The following SLC38A1 variants were observed in gnomAD, a reference collection of about 807,000 sequenced individuals.
SLC38A1 encodes the protein solute carrier family 38 member 1, also known as sodium-coupled neutral amino acid symporter 1.
Under a neutral mutation model 60.3 loss-of-function variants are expected in SLC38A1, and 18 were observed. That is an observed-to-expected ratio of 0.30 (90% CI 0.21 to 0.44). The LOEUF (loss-of-function observed/expected upper bound fraction) is 0.44. Among genes scored for constraint, SLC38A1 ranks in the 20% least tolerant of loss-of-function variants. SLC38A1 has a pLI of 1.00. For missense variants in SLC38A1, 448 were observed against 587.2 expected (o/e 0.76, Z 2.45); for synonymous variants, 196 against 212.1 (o/e 0.92, Z 0.66).
chr12:46,255,583 A>T (rs1009952486), intron 1 of SLC38A1, among the ~76,000 whole-genome samples: 3 of 152,200 alleles, frequency 2.0e-5, no homozygotes, highest in African/African-American at 7.2e-5. Context: ...ATAATCTTTC[A>T]CCAAAAACAC....
intron 5 of SLC38A1, among the ~76,000 whole-genome samples, chr12:46,217,997 G>C (rs1324594702): frequency 6.6e-6 from 1 of 152,174 alleles, no homozygotes; most frequent in East Asian, 1.9e-4. Flanking sequence ...AATTCAAATA[G>C]TATCTAATAT....
At chr12:46,249,822 G>A (rs1015077852) in intron 1 of SLC38A1, among the ~76,000 whole-genome samples, 6 of 152,104 alleles carry the variant, frequency 3.9e-5, no homozygotes, top group African/African-American at 1.4e-4. Context: ...CCAATAACAG[G>A]CTGTGAAATT....
At chr12:46,251,793 T>C (rs1228232140) in intron 1 of SLC38A1, among the ~76,000 whole-genome samples, 1 of 151,928 alleles carries the variant, frequency 6.6e-6, no homozygotes, top group Non-Finnish European at 1.5e-5. Context: ...TGAGATACCA[T>C]CTCACTCCAG....
Position 46,268,063 on chromosome 12 carries a change from C to G in SLC38A1, c.-209+463G>C, listed in dbSNP as rs964647780. ...CACGCAGCACCCCCCGGACATCACACGATCTCCTCTGGGCCTTGCGGACAC... is the reference window on the plus strand; with the variant it reads ...CACGCAGCACCCCCCGGACATCACAGGATCTCCTCTGGGCCTTGCGGACAC... On this transcript the variant is annotated intron_variant, in intron 1 of 16. Coordinates refer to ENST00000398637, the MANE Select transcript of SLC38A1 (RefSeq NM_030674.4). The surrounding 1 kb of genome is among the most constrained non-coding windows in gnomAD (Gnocchi z 4.4). Among the ~76,000 whole-genome samples the G allele has an allele frequency of 1.3e-5, 2 of 152,202 alleles. No homozygotes were observed. Among genetic ancestry groups the G allele is most frequent in the African/African-American group, 4.8e-5 (2 of 41,440 alleles).
chr12:46,203,216 G>T, intron 11 of SLC38A1, 127 bp from the exon 12 acceptor site: 1 of 780,154 alleles, frequency 1.3e-6, no homozygotes, highest in Non-Finnish European at 2.1e-6. Context: ...TCGGTTATTA[G>T]GGAGGTTTTG....
intron 5 of SLC38A1, among the ~76,000 whole-genome samples, chr12:46,215,313 C>T (rs57492785): frequency 0.012 from 1,884 of 152,336 alleles, 36 homozygotes; most frequent in African/African-American, 0.043. Context: ...TGACGAAAAG[C>T]ACTTACAACT....
chr12:46,219,601 A>G (rs529041844), intron 5 of SLC38A1, among the ~76,000 whole-genome samples: 1 of 152,280 alleles, frequency 6.6e-6, no homozygotes, highest in Admixed American at 6.5e-5. Context: ...CCCACAAAGG[A>G]GTAGTTTTCT....
chr12:46,199,998 G>A (rs1224149715), intron 13 of SLC38A1, among the ~76,000 whole-genome samples: 2 of 152,068 alleles, frequency 1.3e-5, no homozygotes, highest in Non-Finnish European at 2.9e-5. Flanking sequence ...TAATCCAAGA[G>A]TAATAAAAGT....
At chr12:46,248,485 C>T (rs976254082) in intron 1 of SLC38A1, among the ~76,000 whole-genome samples, 1 of 152,130 alleles carries the variant, frequency 6.6e-6, no homozygotes, top group Non-Finnish European at 1.5e-5. Context: ...AGCTAACTAT[C>T]CTAAATATAT....
intron 5 of SLC38A1, among the ~76,000 whole-genome samples, chr12:46,225,559 G>T (rs888482642): frequency 6.6e-6 from 1 of 152,134 alleles, no homozygotes; most frequent in Non-Finnish European, 1.5e-5. Flanking sequence ...CAGAACAGGG[G>T]ATTGGGAGCT....
At chr12:46,201,332 G>A (rs1939649952) in intron 12 of SLC38A1, 134 bp from the exon 13 acceptor site, 1 of 692,496 alleles carries the variant, frequency 1.4e-6, no homozygotes, top group South Asian at 1.9e-5. Context: ...ATTACCCCTG[G>A]CAGTTATGCC....
intron 1 of SLC38A1, among the ~76,000 whole-genome samples, chr12:46,266,004 A>C (rs1942338928): frequency 6.6e-6 from 1 of 152,190 alleles, no homozygotes; most frequent in Non-Finnish European, 1.5e-5. Flanking sequence ...CACTGCTCAA[A>C]GTGGGAAGGG....
intron 15 of SLC38A1, 36 bp from the exon 16 acceptor site, chr12:46,197,853 C>A: frequency 1.2e-6 from 2 of 1,602,548 alleles, no homozygotes; most frequent in Non-Finnish European, 1.7e-6. Flanking sequence ...TTTAGCATTG[C>A]TATTGTGAAA....
chr12:46,215,047 T>C (rs1940344532), intron 5 of SLC38A1, among the ~76,000 whole-genome samples: 1 of 152,180 alleles, frequency 6.6e-6, no homozygotes, highest in Non-Finnish European at 1.5e-5. Flanking sequence ...AATGGATGGG[T>C]CGGGACCTGA....
At chr12:46,242,359 G>A (rs1009177513) in intron 2 of SLC38A1, among the ~76,000 whole-genome samples, 11 of 152,156 alleles carry the variant, frequency 7.2e-5, no homozygotes, top group African/African-American at 2.7e-4. Context: ...TATTTATTGA[G>A]CACTAAGTGA....
rs1297032442 is a variant in SLC38A1, at chr12:46,201,179, G to A, written c.922C>T (p.Gln308Ter). The A allele has an allele frequency of 6.2e-7, 1 of 1,612,792 alleles. No homozygotes were observed. Among genetic ancestry groups the A allele is most frequent in the Non-Finnish European group, 8.5e-7 (1 of 1,179,428 alleles). ...AAAAAGGAGATGTTTGAAACCATCT[G>A]CATTTTTTTCTGTGATCGGCTAAAA... ...ELKDRSQKKMQMVSNISFFAM... is the reference protein window; with the variant it reads ...ELKDRSQKKM Residue 308 changes from glutamine (Q) to a stop codon, truncating the protein, a stop_gained, in exon 13 of 17, where the codon CAG becomes TAG. Transcript: ENST00000398637. LOFTEE classifies it high-confidence loss of function.
chr12:46,233,633 A>C (rs1186749632), intron 3 of SLC38A1, among the ~76,000 whole-genome samples: 1 of 152,200 alleles, frequency 6.6e-6, no homozygotes, highest in Non-Finnish European at 1.5e-5. Flanking sequence ...GTTGAAGCAG[A>C]TAAAGAATAA....
At chr12:46,189,217 A>G in intron 16 of SLC38A1, 146 bp from the exon 17 acceptor site, 1 of 590,884 alleles carries the variant, frequency 1.7e-6, no homozygotes, top group South Asian at 2.3e-5. Flanking sequence ...AACTGTGAGA[A>G]TCTTTCTAAA....
chr12:46,259,339 A>G (rs1456254978), intron 1 of SLC38A1, among the ~76,000 whole-genome samples: 1 of 152,190 alleles, frequency 6.6e-6, no homozygotes, highest in Non-Finnish European at 1.5e-5. Context: ...TATATTTCAA[A>G]AGGCCTCAAA....
Sources: gnomAD v4.1 joint callset for allele counts (sites outside exome capture counted in the v4.1 genomes callset) on GRCh38, gnomAD v4.1.1 for gene constraint, Gnocchi (gnomAD v3.1) non-coding constraint, MANE v1.5 for transcripts, NCBI Gene and HGNC (gene_info 2026-07-23, HGNC 2026-07-21) for gene names.